The following GPC6 variants were observed in gnomAD, a reference collection of about 807,000 sequenced individuals.
GPC6 encodes the protein glypican 6, also known as glypican-6.
Under a neutral mutation model 55.2 loss-of-function variants are expected in GPC6, and 14 were observed. That is an observed-to-expected ratio of 0.25 (90% CI 0.17 to 0.40). The LOEUF is 0.40. GPC6 is among the 10% of genes least tolerant of loss of function. The probability of loss-of-function intolerance (pLI) is 1.00; values close to 1 mark genes in which losing one functional copy is unlikely to be tolerated. For synonymous variants in GPC6, 278 were observed against 259.6 expected, an observed-to-expected ratio of 1.07 and a Z score of -0.68; for missense variants, 641 against 708.5, an observed-to-expected ratio of 0.90 and a Z score of 1.08.
intron 2 of GPC6, among the ~76,000 whole-genome samples, chr13:93,579,412 G>A (rs1473566949): frequency 6.6e-6 from 1 of 151,566 alleles, no homozygotes; most frequent in Non-Finnish European, 1.5e-5. Context: ...AAATAGCTCA[G>A]AAATATAATA....
chr13:93,991,555 T>G (rs755756525), intron 3 of GPC6, among the ~76,000 whole-genome samples: 1 of 152,224 alleles, frequency 6.6e-6, no homozygotes. Flanking sequence ...CTTCTTAATT[T>G]CTATTCACAA....
chr13:93,264,464 C>T (rs1877257199), intron 1 of GPC6, among the ~76,000 whole-genome samples: 1 of 152,162 alleles, frequency 6.6e-6, no homozygotes, highest in South Asian at 2.1e-4. Flanking sequence ...GGCTGGAGTG[C>T]AGTAGCACAA....
intron 3 of GPC6, among the ~76,000 whole-genome samples, chr13:93,940,980 C>T (rs1001300087): frequency 7.9e-5 from 12 of 152,146 alleles, no homozygotes; most frequent in Admixed American, 1.3e-4. Context: ...TTTCTAAAAT[C>T]AGAAGTTAAC....
intron 6 of GPC6, among the ~76,000 whole-genome samples, chr13:94,349,447 A>C (rs952999155): frequency 9.9e-5 from 15 of 152,060 alleles, no homozygotes; most frequent in Admixed American, 9.8e-4. Context: ...CATCCATCTC[A>C]TCACAGCACT....
At chr13:94,122,593 T>C (rs1886671938) in intron 4 of GPC6, among the ~76,000 whole-genome samples, 1 of 151,984 alleles carries the variant, frequency 6.6e-6, no homozygotes, top group Non-Finnish European at 1.5e-5. Context: ...AGATGAGAAA[T>C]AGATGAAACC....
chr13:93,682,915 G>T (rs936998210), intron 2 of GPC6, among the ~76,000 whole-genome samples: 6 of 151,874 alleles, frequency 4.0e-5, no homozygotes, highest in Non-Finnish European at 8.8e-5. Context: ...CTACTTGGGA[G>T]GCTGAGCTGG....
intron 4 of GPC6, among the ~76,000 whole-genome samples, chr13:94,263,727 T>C (rs1055090338): frequency 6.6e-6 from 1 of 152,230 alleles, no homozygotes; most frequent in Non-Finnish European, 1.5e-5. Context: ...TACTTTTCCC[T>C]TTTTCCTTTA....
intron 2 of GPC6, among the ~76,000 whole-genome samples, chr13:93,709,071 G>A (rs2138805746): frequency 6.6e-6 from 1 of 151,858 alleles, no homozygotes; most frequent in Non-Finnish European, 1.5e-5. Flanking sequence ...CAAATTAAGT[G>A]AGAATATTAT....
At chr13:93,434,913 G>C (rs1164386637) in intron 1 of GPC6, among the ~76,000 whole-genome samples, 1 of 152,034 alleles carries the variant, frequency 6.6e-6, no homozygotes, top group Non-Finnish European at 1.5e-5. Context: ...CACCATATTG[G>C]CCAGGATGGT....
At chr13:93,449,185 G>A (rs1221199319) in intron 1 of GPC6, among the ~76,000 whole-genome samples, 2 of 152,192 alleles carry the variant, frequency 1.3e-5, no homozygotes, top group Non-Finnish European at 2.9e-5. Context: ...AAGTACAGAT[G>A]AGGAAGGTTC....
chr13:93,880,996 C>T (rs574840555), intron 3 of GPC6, among the ~76,000 whole-genome samples: 13 of 152,014 alleles, frequency 8.6e-5, no homozygotes, highest in Non-Finnish European at 1.6e-4. Flanking sequence ...TCTCTAACCC[C>T]GTATTCTTTT....
At chr13:94,285,799 C>A (rs1450337602) in intron 4 of GPC6, among the ~76,000 whole-genome samples, 1 of 152,144 alleles carries the variant, frequency 6.6e-6, no homozygotes, top group Non-Finnish European at 1.5e-5. Context: ...ATCAGAGAAG[C>A]TCCCCTGTCC....
chr13:93,411,091 G>C (rs753708791), intron 1 of GPC6, among the ~76,000 whole-genome samples: 16 of 152,190 alleles, frequency 1.1e-4, no homozygotes, highest in Non-Finnish European at 2.1e-4. Context: ...GATATAGAGA[G>C]ATTACATTTT....
At chr13:93,248,521 G>C (rs1039426310) in intron 1 of GPC6, among the ~76,000 whole-genome samples, 3 of 151,938 alleles carry the variant, frequency 2.0e-5, no homozygotes, top group Admixed American at 1.3e-4. Flanking sequence ...GCAAGAGCAG[G>C]CTTTTTCCCA....
chr13:94,351,962 C>CAAAAAAAAAAAAAAAA (rs60206836), intron 6 of GPC6, among the ~76,000 whole-genome samples: 1 of 101,546 alleles, frequency 9.8e-6, no homozygotes, highest in Non-Finnish European at 1.9e-5. Context: ...GAGAAGAAGG[C>CAAAAAAAAAAAAAAAA]AAAAAAAAAA....
At position 93,428,411 on chromosome 13, in the gene GPC6, T is replaced by C. The variant is rs565522169; in HGVS notation, c.161-116852T>C. Among the ~76,000 whole-genome samples, 5 of 152,242 alleles carry C rather than the reference T, an allele frequency of 3.3e-5. No homozygotes were observed. The South Asian group carries it at 1.0e-3, about 32-fold the overall frequency. On this transcript the variant is annotated intron_variant, in intron 1 of 8. Transcript: ENST00000377047. ...ATCCACCTCCTGCTGTTACAGTTTA[T>C]CCAAAGAGCTCAGACATCAGCTTTT... is the stretch of plus-strand genomic sequence containing the variant.
At chr13:93,310,176 A>C (rs971341896) in intron 1 of GPC6, among the ~76,000 whole-genome samples, 1 of 151,996 alleles carries the variant, frequency 6.6e-6, no homozygotes, top group Admixed American at 6.6e-5. Context: ...CCACTTGATT[A>C]CTCTCTGTGA....
upstream of GPC6, among the ~76,000 whole-genome samples, chr13:93,222,541 T>A (rs1436134749): frequency 6.6e-6 from 1 of 152,200 alleles, no homozygotes; most frequent in East Asian, 1.9e-4. Flanking sequence ...CTCTCAAAAT[T>A]TCCAGTAAGC....
intron 5 of GPC6, among the ~76,000 whole-genome samples, chr13:94,292,943 C>G (rs967134951): frequency 6.6e-6 from 1 of 152,162 alleles, no homozygotes; most frequent in Non-Finnish European, 1.5e-5. Context: ...AATATATTGG[C>G]TATGCCTAGT....
Sources: gnomAD v4.1 joint callset for allele counts (sites outside exome capture counted in the v4.1 genomes callset) on GRCh38, gnomAD v4.1.1 for gene constraint, MANE v1.5 for transcripts, NCBI Gene and HGNC (gene_info 2026-07-23, HGNC 2026-07-21) for gene names.